Variants in SLC2A13 observed in about 807,000 individuals in gnomAD.
The protein encoded by SLC2A13 is proton myo-inositol cotransporter.
In SLC2A13, 32 loss-of-function variants were observed where a neutral mutation model predicts 64.4. That is an observed-to-expected ratio of 0.50 (90% CI 0.37 to 0.67). The LOEUF (loss-of-function observed/expected upper bound fraction) is 0.67, where lower values mean the gene tolerates loss of function less well. SLC2A13 is among the 30% of genes least tolerant of loss of function. The probability of loss-of-function intolerance (pLI) is 0.00; values close to 1 mark genes in which losing one functional copy is unlikely to be tolerated. For missense variants in SLC2A13, 743 were observed against 829.2 expected (o/e 0.90, Z 1.28); for synonymous variants, 338 against 327.1 (o/e 1.03, Z -0.36).
chr12:40,027,034 C>A (rs561216881), intron 3 of SLC2A13, among the ~76,000 whole-genome samples: 1 of 150,820 alleles, frequency 6.6e-6, no homozygotes, highest in Admixed American at 6.6e-5. Flanking sequence ...GAGCCAAGAT[C>A]GCGCCATTGC....
intron 3 of SLC2A13, among the ~76,000 whole-genome samples, chr12:39,984,825 C>A (rs1946998959): frequency 6.6e-6 from 1 of 152,054 alleles, no homozygotes; most frequent in Non-Finnish European, 1.5e-5. Context: ...TAGCAAAACA[C>A]ACAGCCCTTA....
At chr12:39,848,950 T>C (rs1265084376) in intron 6 of SLC2A13, among the ~76,000 whole-genome samples, 1 of 152,104 alleles carries the variant, frequency 6.6e-6, no homozygotes, top group Non-Finnish European at 1.5e-5. Context: ...ATGGTCTCAC[T>C]TATAAGTGGG....
At chr12:40,032,040 C>T (rs1473945684) in intron 2 of SLC2A13, among the ~76,000 whole-genome samples, 1 of 152,146 alleles carries the variant, frequency 6.6e-6, no homozygotes, top group Non-Finnish European at 1.5e-5. Flanking sequence ...CCTGGCTTCA[C>T]ATTAGAATCA....
chr12:39,791,058 GAT>G (rs1941384065), intron 7 of SLC2A13, among the ~76,000 whole-genome samples: 1 of 136,904 alleles, frequency 7.3e-6, no homozygotes, highest in African/African-American at 2.7e-5. Flanking sequence ...CCCACTTTTT[GAT>G]GGGGTTGTTT....
intron 3 of SLC2A13, among the ~76,000 whole-genome samples, chr12:39,988,336 GA>G (rs928730507): frequency 6.6e-6 from 1 of 151,628 alleles, no homozygotes; most frequent in African/African-American, 2.4e-5. Context: ...CATAATTGTT[GA>G]AAAAAATTAT....
At position 39,950,312 on chromosome 12, in the gene SLC2A13, G is replaced by T. The variant is rs548548724; in HGVS notation, c.1034+945C>A. On this transcript the variant is annotated intron_variant, in intron 4 of 9. Transcript: ENST00000280871. ...AAGAAAATTTAATTTTACATAATTT[G>T]TATTTTCTTAATGAAAAAAATTCAA... The T allele has an allele frequency of 2.6e-5, 4 of 152,196 alleles. No individual in the cohort carries two copies. In the South Asian group the frequency reaches 8.3e-4, roughly 32 times the overall value. The allele number at this position is 152,196 out of a possible 1,614,324, so 9.4% of individuals were successfully genotyped here. A position where few individuals can be genotyped will look rare whatever the true frequency, so the allele number is the denominator to read the frequency against.
At chr12:39,953,109 C>A (rs1946260072) in intron 3 of SLC2A13, among the ~76,000 whole-genome samples, 1 of 152,082 alleles carries the variant, frequency 6.6e-6, no homozygotes, top group South Asian at 2.1e-4. Context: ...CATCTACTTT[C>A]ACTATTAAAC....
At chr12:40,065,193 T>C (rs1272244485) in intron 1 of SLC2A13, among the ~76,000 whole-genome samples, 1 of 152,146 alleles carries the variant, frequency 6.6e-6, no homozygotes. Flanking sequence ...TGAAAATAAA[T>C]TGCTGAGAGT....
intron 1 of SLC2A13, among the ~76,000 whole-genome samples, chr12:40,081,422 T>G (rs1258618037): frequency 6.6e-6 from 1 of 152,204 alleles, no homozygotes; most frequent in Non-Finnish European, 1.5e-5. Flanking sequence ...TCCAACTGAG[T>G]TGATTCAAAG....
intron 3 of SLC2A13, among the ~76,000 whole-genome samples, chr12:40,008,103 T>A (rs866549497): frequency 3.5e-4 from 53 of 152,294 alleles, no homozygotes; most frequent in Middle Eastern, 3.4e-3. Context: ...GGATTTTTTT[T>A]AAAAAACCTA....
chr12:39,944,479 C>T (rs150548403), intron 4 of SLC2A13, among the ~76,000 whole-genome samples: 161 of 152,174 alleles, frequency 1.1e-3, no homozygotes, highest in African/African-American at 3.6e-3. Context: ...TGCTGTCTAT[C>T]TCATTTCTTA....
intron 1 of SLC2A13, among the ~76,000 whole-genome samples, chr12:40,069,883 A>G (rs1324453254): frequency 6.6e-6 from 1 of 152,072 alleles, no homozygotes; most frequent in Non-Finnish European, 1.5e-5. Context: ...TTTGCTGCTC[A>G]TTATTTCTTA....
At chr12:39,933,798 T>C (rs957542458) in intron 4 of SLC2A13, among the ~76,000 whole-genome samples, 1 of 152,138 alleles carries the variant, frequency 6.6e-6, no homozygotes, top group Admixed American at 6.6e-5. Flanking sequence ...GGGATAGTAG[T>C]ATCACTCACT....
chr12:39,899,864 G>A (rs1436547683), intron 4 of SLC2A13, among the ~76,000 whole-genome samples: 1 of 152,020 alleles, frequency 6.6e-6, no homozygotes, highest in Admixed American at 6.6e-5. Flanking sequence ...TATAATTTCT[G>A]TTCTTTTACA....
At chr12:40,038,913 A>T (rs1028228219) in intron 2 of SLC2A13, among the ~76,000 whole-genome samples, 7 of 146,886 alleles carry the variant, frequency 4.8e-5, no homozygotes, top group Non-Finnish European at 1.1e-4. Context: ...TCTTTTATCT[A>T]GTTGTTCTAT....
chr12:40,061,563 C>T (rs191197404), intron 1 of SLC2A13, among the ~76,000 whole-genome samples: 5 of 152,162 alleles, frequency 3.3e-5, no homozygotes, highest in South Asian at 4.1e-4. Context: ...CTATTAGGCA[C>T]GGCAAGTAAT....
At chr12:40,024,594 G>A (rs954970018) in intron 3 of SLC2A13, among the ~76,000 whole-genome samples, 4 of 151,696 alleles carry the variant, frequency 2.6e-5, no homozygotes, top group African/African-American at 9.7e-5. Context: ...CTTTTTCAAA[G>A]CAATTACCAT....
intron 7 of SLC2A13, among the ~76,000 whole-genome samples, chr12:39,780,037 G>A (rs1293020247): frequency 6.6e-6 from 1 of 152,164 alleles, no homozygotes; most frequent in African/African-American, 2.4e-5. Flanking sequence ...TATGATAGTT[G>A]TGTTCCCAAC....
rs952665966 is a variant in SLC2A13, at chr12:39,938,567, G to C, written c.1034+12690C>G. 2.0e-5 allele frequency among the ~76,000 whole-genome samples: 3 copies of C among 151,832 alleles called. No homozygotes were observed. In the South Asian group the frequency reaches 6.2e-4, roughly 32 times the overall value. Reference sequence around the variant, plus strand: ...TTCCTGTAACAGGACAAAATTATTTGTGAATCATACAAAGAAAAAAGGATA... The same window carrying C: ...TTCCTGTAACAGGACAAAATTATTTCTGAATCATACAAAGAAAAAAGGATA... On this transcript the variant is annotated intron_variant, in intron 4 of 9. Coordinates refer to ENST00000280871, the MANE Select transcript of SLC2A13 (RefSeq NM_052885.4).
Sources: gnomAD v4.1 joint callset for allele counts (sites outside exome capture counted in the v4.1 genomes callset) on GRCh38, gnomAD v4.1.1 for gene constraint, MANE v1.5 for transcripts, NCBI Gene and HGNC (gene_info 2026-07-23, HGNC 2026-07-21) for gene names.